GRID2: variants seen among roughly 807,000 people sequenced by gnomAD.
The protein encoded by GRID2 is glutamate ionotropic receptor delta type subunit 2, also known as glutamate receptor ionotropic, delta-2.
Under a neutral mutation model 114.8 loss-of-function variants are expected in GRID2, and 33 were observed. The ratio of observed to expected loss-of-function variants is 0.29; its 90% CI spans 0.22 to 0.38. GRID2 has a LOEUF of 0.38. Among genes scored for constraint, GRID2 ranks in the 10% least tolerant of loss-of-function variants. The pLI is 1.00. For missense variants in GRID2, 1,184 were observed against 1,257.7 expected (o/e 0.94, Z 0.89); for synonymous variants, 505 against 449.9 (o/e 1.12, Z -1.55).
chr4:93,719,357 A>C (rs1729164806), intron 14 of GRID2, among the ~76,000 whole-genome samples: 1 of 152,166 alleles, frequency 6.6e-6, no homozygotes, highest in South Asian at 2.1e-4. Context: ...ATCTTGGGTT[A>C]GAATAAAACC....
At chr4:93,424,433 G>C (rs1386490699) in intron 10 of GRID2, among the ~76,000 whole-genome samples, 8 of 151,998 alleles carry the variant, frequency 5.3e-5, no homozygotes, top group Non-Finnish European at 1.2e-4. Flanking sequence ...ATTTCAAAAT[G>C]ATATTCTTAC....
At chr4:93,160,197 G>A (rs1008647341) in intron 4 of GRID2, among the ~76,000 whole-genome samples, 3 of 151,536 alleles carry the variant, frequency 2.0e-5, no homozygotes, top group African/African-American at 7.3e-5. Context: ...ATTCCTTTTT[G>A]GATTGACAAG....
chr4:93,327,874 C>T lies in GRID2; in HGVS notation c.1246-67733C>T, dbSNP rs145322547. ...TATGTAATAAAATTACACTTGTACCCCATAAATTTATATAAATAGACGTGC... is the reference window on the plus strand; with the variant it reads ...TATGTAATAAAATTACACTTGTACCTCATAAATTTATATAAATAGACGTGC... On this transcript the variant is annotated intron_variant, in intron 8 of 15. Coordinates refer to ENST00000282020, the MANE Select transcript of GRID2 (RefSeq NM_001510.4). 7.0e-3 allele frequency among the ~76,000 whole-genome samples: 1,068 copies of T among 152,028 alleles called. 15 individuals carry two copies. Among genetic ancestry groups the T allele is most frequent in the African/African-American group, 0.024 (979 of 41,454 alleles).
At chr4:93,398,981 G>A (rs1765623708) in intron 9 of GRID2, among the ~76,000 whole-genome samples, 1 of 151,706 alleles carries the variant, frequency 6.6e-6, no homozygotes, top group African/African-American at 2.4e-5. Context: ...ATATGGCCTT[G>A]CAAGCTTCTT....
intron 3 of GRID2, among the ~76,000 whole-genome samples, chr4:93,090,359 C>G (rs769897960): frequency 6.6e-6 from 1 of 152,092 alleles, no homozygotes; most frequent in East Asian, 1.9e-4. Flanking sequence ...TTCCACTTGG[C>G]GAGAAGCATT....
chr4:92,443,785 G>T (rs1733274382), intron 1 of GRID2, among the ~76,000 whole-genome samples: 1 of 152,196 alleles, frequency 6.6e-6, no homozygotes. Flanking sequence ...ACCAAGGCAG[G>T]CGTCCCTGCG....
intron 1 of GRID2, among the ~76,000 whole-genome samples, chr4:92,471,775 T>G (rs1382260697): frequency 6.6e-6 from 1 of 152,084 alleles, no homozygotes; most frequent in African/African-American, 2.4e-5. Context: ...CTGACTGCAA[T>G]TCCATACCCA....
intron 2 of GRID2, among the ~76,000 whole-genome samples, chr4:92,710,815 A>T (rs1735208178): frequency 6.6e-6 from 1 of 152,122 alleles, no homozygotes; most frequent in South Asian, 2.1e-4. Context: ...TTACTCTCAC[A>T]CCCAAACACA....
intron 2 of GRID2, among the ~76,000 whole-genome samples, chr4:92,709,937 G>A (rs1735158713): frequency 6.6e-6 from 1 of 151,952 alleles, no homozygotes; most frequent in Non-Finnish European, 1.5e-5. Context: ...AGAATTTTCA[G>A]TATATGTAAC....
chr4:93,298,432 A>G (rs902397299), intron 8 of GRID2, among the ~76,000 whole-genome samples: 1 of 152,168 alleles, frequency 6.6e-6, no homozygotes, highest in African/African-American at 2.4e-5. Context: ...CAAGCTCTCT[A>G]TGGTCCCTTT....
Position 93,718,752 on chromosome 4 carries a change from A to G in GRID2, c.2361-50458A>G, listed in dbSNP as rs1729114661. ...ATCCGTAGGAATCAATGCAGTACAG[A>G]GGATAAAACACAAAACTGAAAGTCA... On this transcript the variant is annotated intron_variant, in intron 14 of 15. Transcript: ENST00000282020. 2.0e-5 allele frequency among the ~76,000 whole-genome samples: 3 copies of G among 152,304 alleles called. No homozygotes were observed. In the South Asian group the frequency reaches 6.2e-4, roughly 32 times the overall value.
chr4:92,556,524 T>G (rs1726857514), intron 1 of GRID2, among the ~76,000 whole-genome samples: 1 of 152,104 alleles, frequency 6.6e-6, no homozygotes, highest in Non-Finnish European at 1.5e-5. Context: ...ACCCCAAAAC[T>G]TAATGGCTCA....
chr4:93,269,122 A>G (rs1751159241), intron 8 of GRID2, among the ~76,000 whole-genome samples: 1 of 152,176 alleles, frequency 6.6e-6, no homozygotes, highest in South Asian at 2.1e-4. Flanking sequence ...GGAGAATTTT[A>G]TTAAATGCTA....
chr4:93,711,398 T>A (rs1215218870), intron 14 of GRID2, among the ~76,000 whole-genome samples: 2 of 152,042 alleles, frequency 1.3e-5, no homozygotes, highest in African/African-American at 4.8e-5. Flanking sequence ...AATAGGGACT[T>A]CAAGACTCCG....
chr4:92,666,340 T>A (rs746919648), intron 2 of GRID2, among the ~76,000 whole-genome samples: 1 of 151,564 alleles, frequency 6.6e-6, no homozygotes, highest in Non-Finnish European at 1.5e-5. Context: ...CTTCAGTTCT[T>A]TGAGCATCTT....
At chr4:93,360,446 G>A (rs1227627169) in intron 8 of GRID2, among the ~76,000 whole-genome samples, 1 of 151,864 alleles carries the variant, frequency 6.6e-6, no homozygotes, top group Admixed American at 6.6e-5. Context: ...TTACCCCATA[G>A]GTCTGATATG....
At chr4:92,593,256 A>G (rs1254634699) in intron 2 of GRID2, among the ~76,000 whole-genome samples, 1 of 152,052 alleles carries the variant, frequency 6.6e-6, no homozygotes, top group Non-Finnish European at 1.5e-5. Context: ...GGGATCACTC[A>G]GAGGTTAGAT....
At chr4:93,682,683 A>G (rs1162579833) in intron 14 of GRID2, among the ~76,000 whole-genome samples, 4 of 151,942 alleles carry the variant, frequency 2.6e-5, no homozygotes, top group African/African-American at 9.7e-5. Flanking sequence ...TTGCAAAGAC[A>G]AAAAACCAAA....
intron 2 of GRID2, among the ~76,000 whole-genome samples, chr4:92,845,861 T>G (rs1300084867): frequency 6.6e-6 from 1 of 152,174 alleles, no homozygotes; most frequent in Non-Finnish European, 1.5e-5. Flanking sequence ...TTTTATTCTG[T>G]TAATCTGTTC....
Sources: gnomAD v4.1 joint callset for allele counts (sites outside exome capture counted in the v4.1 genomes callset) on GRCh38, gnomAD v4.1.1 for gene constraint, MANE v1.5 for transcripts, NCBI Gene and HGNC (gene_info 2026-07-23, HGNC 2026-07-21) for gene names.